Variants in FHIT observed in about 807,000 individuals in gnomAD.
FHIT encodes the protein bis(5'-adenosyl)-triphosphatase.
Under a neutral mutation model 17.9 loss-of-function variants are expected in FHIT, and 19 were observed. That is an observed-to-expected ratio of 1.06 (90% CI 0.74 to 1.56). The LOEUF is 1.56. FHIT is among the 40% of genes most tolerant of loss of function. The pLI, the probability that FHIT is intolerant of heterozygous loss-of-function variation, is 0.00. For synonymous variants in FHIT, 81 were observed against 69.7 expected (o/e 1.16, Z -0.81); for missense variants, 248 against 189.2 (o/e 1.31, Z -1.82).
intron 4 of FHIT, among the ~76,000 whole-genome samples, chr3:60,726,342 T>A (rs1716753): frequency 4.6e-5 from 7 of 151,998 alleles, no homozygotes; most frequent in Admixed American, 3.3e-4. Flanking sequence ...ACTTCCAATC[T>A]GAAAATTAGG....
At chr3:60,316,377 T>C (rs1277176099) in intron 5 of FHIT, among the ~76,000 whole-genome samples, 1 of 152,212 alleles carries the variant, frequency 6.6e-6, no homozygotes, top group Non-Finnish European at 1.5e-5. Flanking sequence ...TGCAATAGTG[T>C]GTTTATTGCT....
chr3:60,451,635 A>G (rs190650074), intron 5 of FHIT, among the ~76,000 whole-genome samples: 66 of 152,316 alleles, frequency 4.3e-4, no homozygotes, highest in Non-Finnish European at 7.9e-4. Context: ...CCAAGAAAGA[A>G]TATAAGTATC....
At chr3:60,459,607 C>G (rs1237830820) in intron 5 of FHIT, among the ~76,000 whole-genome samples, 1 of 152,186 alleles carries the variant, frequency 6.6e-6, no homozygotes, top group Non-Finnish European at 1.5e-5. Flanking sequence ...TAACCAGATT[C>G]TAGATCTTCT....
In FHIT at chr3:60,114,606, G is replaced by A. The variant is rs1466404932; in HGVS notation, c.104-100454C>T. Reference sequence around the variant, plus strand: ...CCTCCTGGACTCAAGTCATCCTCCCGCCTCAGCCTCCTGAGCAGCTGGGAC... The same window carrying A: ...CCTCCTGGACTCAAGTCATCCTCCCACCTCAGCCTCCTGAGCAGCTGGGAC... On this transcript the variant is annotated intron_variant, in intron 5 of 9. Coordinates refer to ENST00000492590, the MANE Select transcript of FHIT (RefSeq NM_002012.4). 7.1e-5 allele frequency among the ~76,000 whole-genome samples: 10 copies of A among 140,148 alleles called. No individual in the cohort carries two copies. In the South Asian group the frequency reaches 2.2e-3, roughly 30 times the overall value. The allele number at this position is 140,148 out of a possible 152,430, so 91.9% of individuals were successfully genotyped here.
At chr3:59,890,920 T>C (rs1050718714) in intron 8 of FHIT, among the ~76,000 whole-genome samples, 7 of 152,216 alleles carry the variant, frequency 4.6e-5, no homozygotes, top group East Asian at 1.9e-4. Context: ...TCTGTTATCA[T>C]TCTGAAGAAC....
rs577306734 is a variant in FHIT, at chr3:61,101,623, G to C, written c.-163-59524C>G. ...CTGGTAGCTTGATGGGGATGGCATT[G>C]AATCTATAAATTACTTTGGGCAGGA... On this transcript the variant is annotated intron_variant, in intron 2 of 9. Coordinates refer to ENST00000492590, the MANE Select transcript of FHIT (RefSeq NM_002012.4). Among the ~76,000 whole-genome samples, 53 of 152,246 alleles carry C rather than the reference G, an allele frequency of 3.5e-4. 1 individual carries two copies. The South Asian group carries it at 0.01, about 30-fold the overall frequency.
intron 4 of FHIT, among the ~76,000 whole-genome samples, chr3:60,590,457 T>G (rs559339748): frequency 4.6e-5 from 7 of 152,222 alleles, no homozygotes; most frequent in Non-Finnish European, 2.9e-5. Context: ...ATTGATGTAT[T>G]GTTTATTTTT....
At chr3:60,056,717 G>A (rs2106907018) in intron 5 of FHIT, among the ~76,000 whole-genome samples, 1 of 152,308 alleles carries the variant, frequency 6.6e-6, no homozygotes, top group African/African-American at 2.4e-5. Context: ...TGGCTTGGCA[G>A]GAAAACAGAA....
chr3:60,636,117 T>G (rs1362878896), intron 4 of FHIT, among the ~76,000 whole-genome samples: 2 of 151,514 alleles, frequency 1.3e-5, no homozygotes, highest in Non-Finnish European at 2.9e-5. Context: ...CAGACTGGAG[T>G]GCAGTGGCGC....
chr3:60,488,309 A>G (rs1360521350), intron 5 of FHIT, among the ~76,000 whole-genome samples: 1 of 152,132 alleles, frequency 6.6e-6, no homozygotes. Flanking sequence ...GCATTATTGT[A>G]GGCCTGGCTC....
chr3:60,210,683 G>T (rs554465859), intron 5 of FHIT, among the ~76,000 whole-genome samples: 2 of 152,046 alleles, frequency 1.3e-5, no homozygotes, highest in East Asian at 3.9e-4. Flanking sequence ...AAATGCAATC[G>T]AAAACAATAC....
chr3:61,134,131 A>ACACACACACAC (rs1396881564), intron 2 of FHIT, among the ~76,000 whole-genome samples: 6 of 151,362 alleles, frequency 4.0e-5, no homozygotes, highest in Admixed American at 6.6e-5. Flanking sequence ...ACACACACAC[A>ACACACACACAC]AAGAGGTCAA....
chr3:60,936,529 T>G (rs1428969603), intron 3 of FHIT, among the ~76,000 whole-genome samples: 3 of 152,266 alleles, frequency 2.0e-5, no homozygotes, highest in Non-Finnish European at 2.9e-5. Flanking sequence ...CATTGAAAAA[T>G]TATGAGCCAT....
intron 3 of FHIT, among the ~76,000 whole-genome samples, chr3:60,863,093 A>G (rs923493914): frequency 6.6e-6 from 1 of 152,184 alleles, no homozygotes; most frequent in African/African-American, 2.4e-5. Context: ...GCTATGCTGC[A>G]GAGGGAAAGT....
chr3:60,379,212 C>T (rs1366358802), intron 5 of FHIT, among the ~76,000 whole-genome samples: 1 of 152,118 alleles, frequency 6.6e-6, no homozygotes, highest in Non-Finnish European at 1.5e-5. Flanking sequence ...ACCCTGAGGC[C>T]ATATGAAATA....
intron 5 of FHIT, among the ~76,000 whole-genome samples, chr3:60,114,488 CCTTT>C (rs1204210924): frequency 1.5e-4 from 9 of 59,484 alleles, no homozygotes; most frequent in Admixed American, 2.2e-4. Flanking sequence ...CAAGAGAAAT[CCTTT>C]TTTTTTTTTT....
At chr3:60,955,329 T>C (rs1553778362) in intron 3 of FHIT, among the ~76,000 whole-genome samples, 1 of 152,054 alleles carries the variant, frequency 6.6e-6, no homozygotes, top group Non-Finnish European at 1.5e-5. Flanking sequence ...CAGCAGTGCT[T>C]TCCAAGTAGT....
intron 2 of FHIT, among the ~76,000 whole-genome samples, chr3:61,099,933 C>A (rs1305580409): frequency 1.3e-5 from 2 of 151,908 alleles, no homozygotes; most frequent in East Asian, 3.9e-4. Context: ...AATTTTACAC[C>A]AGGAATGTAT....
intron 4 of FHIT, among the ~76,000 whole-genome samples, chr3:60,680,308 T>C (rs1027343353): frequency 6.6e-6 from 1 of 152,240 alleles, no homozygotes; most frequent in South Asian, 2.1e-4. Flanking sequence ...ACTTTTGCAG[T>C]TGTACATTCT....
Sources: gnomAD v4.1 joint callset for allele counts (sites outside exome capture counted in the v4.1 genomes callset) on GRCh38, gnomAD v4.1.1 for gene constraint, MANE v1.5 for transcripts, NCBI Gene and HGNC (gene_info 2026-07-23, HGNC 2026-07-21) for gene names.